The following ANKS1A variants were observed in gnomAD, a reference collection of about 807,000 sequenced individuals.
ANKS1A encodes the protein ankyrin repeat and SAM domain-containing protein 1A.
In ANKS1A, 55 loss-of-function variants were observed where a neutral mutation model predicts 120.3. The ratio of observed to expected loss-of-function variants is 0.46; its 90% confidence interval spans 0.37 to 0.57. The LOEUF (loss-of-function observed/expected upper bound fraction) is 0.57, where lower values mean the gene tolerates loss of function less well. ANKS1A is among the 20% of genes least tolerant of loss of function. ANKS1A has a pLI of 0.00. For synonymous variants in ANKS1A, 590 were observed against 604.7 expected, an observed-to-expected ratio of 0.98 and a Z score of 0.36; for missense variants, 1,123 against 1,480.3, an observed-to-expected ratio of 0.76 and a Z score of 3.96.
chr6:35,002,538 A>G (rs1472075144), intron 10 of ANKS1A, among the ~76,000 whole-genome samples: 1 of 152,316 alleles, frequency 6.6e-6, no homozygotes, highest in Admixed American at 6.5e-5. Flanking sequence ...CTATTATTTT[A>G]TAGTTATTAT....
intron 7 of ANKS1A, among the ~76,000 whole-genome samples, chr6:34,983,790 A>AT (rs11348002): frequency 0.035 from 4,784 of 136,662 alleles, 117 homozygotes; most frequent in African/African-American, 0.068. Context: ...CGAGTAATAA[A>AT]TTTTTTTTTT....
chr6:35,018,295 G>A (rs1466861133), intron 11 of ANKS1A, among the ~76,000 whole-genome samples: 1 of 152,236 alleles, frequency 6.6e-6, no homozygotes, highest in African/African-American at 2.4e-5. Context: ...CAGCAGAGCA[G>A]GGCTGAGGGA....
At position 35,079,551 on chromosome 6, in the gene ANKS1A, T is replaced by G; in HGVS notation, c.2319T>G (p.Pro773=). 1.2e-6 allele frequency: 2 copies of G among 1,613,798 alleles called. No homozygotes were observed. Among genetic ancestry groups the G allele is most frequent in the Non-Finnish European group, 1.7e-6 (2 of 1,179,814 alleles). ...KALGYDGNSP[P]SVPSWLDSLG... The stretch of plus-strand genomic sequence containing the variant: ...TGGGTTATGACGGGAACAGCCCCCC[T>G]AGCGTGCCCTCCTGGCTGGACTCCC... The change falls in exon 15 of 24, where the codon CCT becomes CCG. Residue 773 remains proline, a synonymous_variant. Transcript: ENST00000360359.
At chr6:35,081,215 C>T in intron 17 of ANKS1A, 57 bp downstream of exon 17, 7 of 1,508,542 alleles carry the variant, frequency 4.6e-6, no homozygotes, top group Non-Finnish European at 4.4e-6. Context: ...CTGGGTGGGA[C>T]AGGGCCTCCC....
intron 10 of ANKS1A, among the ~76,000 whole-genome samples, chr6:35,001,805 C>T (rs1305805045): frequency 2.0e-5 from 3 of 152,072 alleles, no homozygotes; most frequent in Non-Finnish European, 4.4e-5. Context: ...CTATCCCTTT[C>T]ACGCTGGCAT....
intron 1 of ANKS1A, among the ~76,000 whole-genome samples, chr6:34,960,704 G>A (rs1425111307): frequency 2.0e-5 from 3 of 152,150 alleles, no homozygotes; most frequent in African/African-American, 7.2e-5. Flanking sequence ...CATAGGTGCC[G>A]CCGAGGTGCA....
intron 2 of ANKS1A, 84 bp from the exon 3 acceptor site, chr6:34,969,926 G>A (rs950235583): frequency 4.0e-6 from 6 of 1,492,708 alleles, no homozygotes; most frequent in Middle Eastern, 1.8e-4. Context: ...CTGTGAAAGG[G>A]CTTTGTGCCA....
At chr6:35,067,839 A>G (rs191887165) in intron 13 of ANKS1A, among the ~76,000 whole-genome samples, 6 of 150,286 alleles carry the variant, frequency 4.0e-5, no homozygotes, top group African/African-American at 1.2e-4. Context: ...CCCTGAGGTG[A>G]TAGACTTATG....
intron 13 of ANKS1A, among the ~76,000 whole-genome samples, chr6:35,075,780 T>C (rs1390919646): frequency 1.3e-5 from 2 of 152,030 alleles, no homozygotes; most frequent in African/African-American, 4.8e-5. Flanking sequence ...TGCACACACA[T>C]ATATTGTTGT....
At chr6:35,088,014 C>T (rs79980965) in intron 23 of ANKS1A, among the ~76,000 whole-genome samples, 6,970 of 152,330 alleles carry the variant, frequency 0.046, 343 homozygotes, top group African/African-American at 0.13. Context: ...ACCTTCTTCC[C>T]TCACAGAACA....
At chr6:34,898,375 C>A (rs548855034) in intron 1 of ANKS1A, among the ~76,000 whole-genome samples, 109 of 152,218 alleles carry the variant, frequency 7.2e-4, no homozygotes, top group African/African-American at 2.5e-3. Context: ...GGTGCTGACT[C>A]AATATTGTAT....
chr6:35,022,355 T>C (rs1774387011), intron 11 of ANKS1A, among the ~76,000 whole-genome samples: 2 of 152,204 alleles, frequency 1.3e-5, no homozygotes, highest in African/African-American at 4.8e-5. Context: ...GGCTAATAGA[T>C]TTGGGAGTCA....
intron 9 of ANKS1A, among the ~76,000 whole-genome samples, chr6:34,991,683 CATATAT>C (rs369789989): frequency 0.03 from 861 of 28,596 alleles, 23 homozygotes; most frequent in South Asian, 0.18. Context: ...CATATATATA[CATATAT>C]ACACATATAT....
Position 34,994,291 on chromosome 6 carries a change from CTCT to C in ANKS1A, c.1303-10_1303-8del. The C allele has an allele frequency of 6.2e-7, 1 of 1,612,402 alleles. No individual in the cohort carries two copies. Among genetic ancestry groups the C allele is most frequent in the African/African-American group, 1.3e-5 (1 of 74,980 alleles). On this transcript the variant is annotated splice_polypyrimidine_tract_variant and splice_region_variant and intron_variant, in intron 9 of 23. Coordinates refer to ENST00000360359, the MANE Select transcript of ANKS1A (RefSeq NM_015245.3). ...CATGCACAAGATACACTGGATGTTT[CTCT>C]CCCTTAGGTTCTGTCCATGAGACCT...
chr6:34,949,495 T>C (rs1769963062), intron 1 of ANKS1A, among the ~76,000 whole-genome samples: 1 of 152,226 alleles, frequency 6.6e-6, no homozygotes, highest in Non-Finnish European at 1.5e-5. Context: ...TTTTTGGTTT[T>C]TCTCCATGGA....
At chr6:34,926,577 C>A (rs1239930165) in intron 1 of ANKS1A, among the ~76,000 whole-genome samples, 2 of 152,118 alleles carry the variant, frequency 1.3e-5, no homozygotes, top group Non-Finnish European at 2.9e-5. Context: ...GCAAAGTATG[C>A]AGACAAAGAC....
At chr6:34,963,665 T>TA (rs907064690) in intron 1 of ANKS1A, among the ~76,000 whole-genome samples, 2 of 152,238 alleles carry the variant, frequency 1.3e-5, no homozygotes, top group African/African-American at 4.8e-5. Context: ...ATATGGTAGT[T>TA]ATATTTTTAA....
intron 10 of ANKS1A, among the ~76,000 whole-genome samples, chr6:34,997,991 C>G (rs1772945754): frequency 6.6e-6 from 1 of 152,168 alleles, no homozygotes; most frequent in Non-Finnish European, 1.5e-5. Flanking sequence ...TTAATTGAAC[C>G]ACAGGCTGTG....
At chr6:35,042,689 C>T (rs919737822) in intron 11 of ANKS1A, among the ~76,000 whole-genome samples, 9 of 152,210 alleles carry the variant, frequency 5.9e-5, no homozygotes, top group African/African-American at 2.2e-4. Context: ...GCCGGCAGGG[C>T]ACCAGTGCTC....
Sources: allele counts gnomAD v4.1 joint callset (sites outside exome capture counted in the v4.1 genomes callset), GRCh38; gene constraint gnomAD v4.1.1; transcripts MANE v1.5; gene names NCBI Gene and HGNC (gene_info 2026-07-23, HGNC 2026-07-21).